SBF2: variants seen among roughly 807,000 people sequenced by gnomAD.
SBF2 encodes SET binding factor 2, also known as myotubularin-related protein 13.
SBF2 carries 112 observed loss-of-function variants against 225.2 expected under a neutral mutation model. The ratio of observed to expected loss-of-function variants is 0.50; its 90% confidence interval spans 0.43 to 0.58. The LOEUF (loss-of-function observed/expected upper bound fraction) is 0.58, where lower values mean the gene tolerates loss of function less well. SBF2 is among the 20% of genes least tolerant of loss of function. SBF2 has a pLI of 0.00. For missense variants in SBF2, 1,996 were observed against 2,206.2 expected (o/e 0.90, Z 1.91); for synonymous variants, 763 against 773.3 (o/e 0.99, Z 0.22).
Position 10,031,222 on chromosome 11 carries a change from T to C in SBF2, c.280-52A>G, listed in dbSNP as rs1237040072. On this transcript the variant is annotated intron_variant, in intron 3 of 39. Coordinates refer to ENST00000256190, the MANE Select transcript of SBF2 (RefSeq NM_030962.4). The stretch of plus-strand genomic sequence containing the variant: ...AAACAGAAGGGATTTCCTAGGTTCA[T>C]AATTCACAAAAGATGAATATCACCT... 9 of 1,583,166 alleles carry C rather than the reference T, an allele frequency of 5.7e-6. No homozygotes were observed. In the East Asian group the frequency reaches 2.0e-4, roughly 36 times the overall value.
intron 1 of SBF2, among the ~76,000 whole-genome samples, chr11:10,278,875 A>G (rs1180049692): frequency 3.9e-5 from 6 of 152,012 alleles, no homozygotes; most frequent in Non-Finnish European, 7.4e-5. Context: ...AATAAAAATG[A>G]TCTTTATCAT....
At chr11:10,176,556 C>T (rs1339273034) in intron 2 of SBF2, among the ~76,000 whole-genome samples, 9 of 151,950 alleles carry the variant, frequency 5.9e-5, no homozygotes, top group African/African-American at 1.7e-4. Context: ...GAGAATACTA[C>T]AAACACCTCT....
At chr11:10,066,917 C>T (rs759750838) in intron 2 of SBF2, among the ~76,000 whole-genome samples, 14 of 152,188 alleles carry the variant, frequency 9.2e-5, no homozygotes, top group Non-Finnish European at 1.5e-4. Flanking sequence ...AAATCAATTA[C>T]ATTTCTTCCT....
chr11:10,082,380 T>C (rs948709575), intron 2 of SBF2, among the ~76,000 whole-genome samples: 2 of 152,122 alleles, frequency 1.3e-5, no homozygotes, highest in Non-Finnish European at 2.9e-5. Flanking sequence ...CATTCTATGA[T>C]GCCAGTATTA....
At chr11:9,921,695 C>T (rs1353638215) in intron 16 of SBF2, among the ~76,000 whole-genome samples, 1 of 149,100 alleles carries the variant, frequency 6.7e-6, no homozygotes, top group African/African-American at 2.5e-5. Context: ...AGGAAATATG[C>T]TTGTGTTACT....
intron 1 of SBF2, among the ~76,000 whole-genome samples, chr11:10,225,155 T>A (rs1041002843): frequency 6.6e-6 from 1 of 152,080 alleles, no homozygotes. Flanking sequence ...CTATGTTACC[T>A]CAGAATTAGG....
chr11:9,924,546 C>T (rs183036391), intron 16 of SBF2, among the ~76,000 whole-genome samples: 42 of 152,232 alleles, frequency 2.8e-4, no homozygotes, highest in African/African-American at 1.0e-3. Flanking sequence ...ATTCTCCTGC[C>T]TCAGCTTCCC....
chr11:10,001,593 C>G (rs185821154), intron 7 of SBF2, among the ~76,000 whole-genome samples: 2 of 151,406 alleles, frequency 1.3e-5, no homozygotes, highest in Non-Finnish European at 1.5e-5. Context: ...GGTGCGATCT[C>G]GGCTCACTGC....
At chr11:10,069,245 T>C (rs1475255063) in intron 2 of SBF2, among the ~76,000 whole-genome samples, 1 of 152,148 alleles carries the variant, frequency 6.6e-6, no homozygotes, top group Non-Finnish European at 1.5e-5. Flanking sequence ...ACATGTGCCA[T>C]GTTGGTTTGC....
At chr11:10,225,249 A>G (rs1958494314) in intron 1 of SBF2, among the ~76,000 whole-genome samples, 1 of 152,162 alleles carries the variant, frequency 6.6e-6, no homozygotes, top group Non-Finnish European at 1.5e-5. Flanking sequence ...CTTAAAATAT[A>G]CCAATTTGAG....
chr11:10,056,833 C>T (rs956753829), intron 2 of SBF2, among the ~76,000 whole-genome samples: 10 of 152,144 alleles, frequency 6.6e-5, no homozygotes, highest in African/African-American at 2.2e-4. Context: ...GTGACTTAAC[C>T]GTTCTAGTCT....
intron 22 of SBF2, among the ~76,000 whole-genome samples, chr11:9,847,791 C>T (rs1413070138): frequency 6.6e-6 from 1 of 152,052 alleles, no homozygotes; most frequent in Non-Finnish European, 1.5e-5. Context: ...CACTCAAGAC[C>T]TCCCTTGAAG....
chr11:10,176,565 C>T (rs1956473479), intron 2 of SBF2, among the ~76,000 whole-genome samples: 1 of 152,080 alleles, frequency 6.6e-6, no homozygotes, highest in Admixed American at 6.5e-5. Flanking sequence ...ACAAACACCT[C>T]TATGCAAATA....
At chr11:10,005,256 T>A (rs982551979) in intron 6 of SBF2, among the ~76,000 whole-genome samples, 2 of 152,086 alleles carry the variant, frequency 1.3e-5, no homozygotes, top group East Asian at 1.9e-4. Context: ...CTAGGAACAT[T>A]TGGACTGGTA....
chr11:10,292,146 C>A (rs7123078), intron 1 of SBF2, among the ~76,000 whole-genome samples: 152,384 of 152,384 alleles, frequency 1, 76,192 homozygotes, highest in Non-Finnish European at 1. Flanking sequence ...AAAGAGATTA[C>A]TAGCACAATC....
chr11:10,159,590 C>T (rs985085351), intron 2 of SBF2, among the ~76,000 whole-genome samples: 11 of 152,150 alleles, frequency 7.2e-5, no homozygotes, highest in African/African-American at 2.7e-4. Flanking sequence ...CTGGCTTCCC[C>T]CTAAGTTATC....
rs571935469 is a variant in SBF2 at position 9,876,379 on chromosome 11, T to C, written c.1930-17983A>G. Among the ~76,000 whole-genome samples, 10 of 152,198 alleles carry C rather than the reference T, an allele frequency of 6.6e-5. No homozygotes were observed. In the South Asian group the frequency reaches 1.9e-3, roughly 28 times the overall value. ...ACTGAATGTTTGTGTCCCCCTTAAA[T>C]TCATATGTTGAAACCCTATCTCCAT... On this transcript the variant is annotated intron_variant, in intron 17 of 39. Coordinates refer to ENST00000256190, the MANE Select transcript of SBF2 (RefSeq NM_030962.4).
intron 2 of SBF2, among the ~76,000 whole-genome samples, chr11:10,153,168 T>C (rs1196058541): frequency 2.0e-5 from 3 of 152,186 alleles, no homozygotes; most frequent in Admixed American, 6.5e-5. Context: ...ACTCTGGTGA[T>C]AGTGAAATGT....
chr11:10,002,644 T>C lies in SBF2; in HGVS notation c.665A>G (p.Asn222Ser). Residue 222 changes from asparagine to serine, a missense_variant, in exon 7 of 40, where the codon AAT (asparagine) becomes AGT (serine). Asn to Ser is a conservative substitution (Grantham distance 46, BLOSUM62 1). Transcript: ENST00000256190. Reference protein sequence around the residue: ...LSLFCAVLTENKVLFHSASFQ... With the variant: ...LSLFCAVLTESKVLFHSASFQ... ...ACTTGCAGAATGGAAGAGAACCTTATTTTCTGTGAGGACTGCACAAAAGAG... is the reference window on the plus strand; with the variant it reads ...ACTTGCAGAATGGAAGAGAACCTTACTTTCTGTGAGGACTGCACAAAAGAG... 1 of 1,613,294 alleles carries C rather than the reference T, an allele frequency of 6.2e-7. No homozygotes were observed. Among genetic ancestry groups the C allele is most frequent in the Non-Finnish European group, 8.5e-7 (1 of 1,179,316 alleles).
Sources: allele counts gnomAD v4.1 joint callset (sites outside exome capture counted in the v4.1 genomes callset), GRCh38; gene constraint gnomAD v4.1.1; transcripts MANE v1.5; gene names NCBI Gene and HGNC (gene_info 2026-07-23, HGNC 2026-07-21).